The following POM121C variants were observed in gnomAD, a reference collection of about 807,000 sequenced individuals.
POM121C encodes nuclear envelope pore membrane protein POM 121C.
In POM121C, 20 loss-of-function variants were observed where a neutral mutation model predicts 66.4. The ratio of observed to expected loss-of-function variants is 0.30; its 90% confidence interval spans 0.21 to 0.44. The LOEUF (loss-of-function observed/expected upper bound fraction) is 0.44, where lower values mean the gene tolerates loss of function less well. Among genes scored for constraint, POM121C ranks in the 20% least tolerant of loss-of-function variants. The pLI is 1.00. For synonymous variants in POM121C, 286 were observed against 528.0 expected, an observed-to-expected ratio of 0.54 and a Z score of 6.28; for missense variants, 580 against 1,225.7, an observed-to-expected ratio of 0.47 and a Z score of 7.87.
chr7:75,484,412 G>A, intron 1 of POM121C: 1 of 482,764 alleles, frequency 2.1e-6, no homozygotes, highest in Non-Finnish European at 3.7e-6. Flanking sequence ...GAGTGATACA[G>A]GGTTTCACCA....
rs1584636599 is a variant in POM121C, at chr7:75,417,108, A to G, written c.*1688T>C. The G allele has an allele frequency of 7.8e-6, 8 of 1,025,554 alleles. No homozygotes were observed. In the South Asian group the frequency reaches 3.2e-4, roughly 41 times the overall value. The allele number at this position is 1,025,554 out of a possible 1,614,324, so 63.5% of individuals were successfully genotyped here. ...CCCAGACCCTCCAATCCTAACAGGT[A>G]TTTAGGCTTGAGGTTCACTCCCTCC... On this transcript the variant is annotated 3_prime_UTR_variant, in exon 15 of 15. Transcript: ENST00000615331.
intron 7 of POM121C, among the ~76,000 whole-genome samples, chr7:75,429,122 T>C (rs181474686): frequency 9.1e-4 from 139 of 152,294 alleles, no homozygotes; most frequent in Admixed American, 2.6e-3. Flanking sequence ...TTATTATGTC[T>C]ATTCAACTCA....
chr7:75,475,036 G>C, intron 2 of POM121C, 26 bp downstream of exon 2: 7 of 1,422,724 alleles, frequency 4.9e-6, no homozygotes, highest in Non-Finnish European at 6.9e-6. Flanking sequence ...TCAACTGAGA[G>C]CATTCAGAAA....
intron 3 of POM121C, among the ~76,000 whole-genome samples, chr7:75,468,124 T>C (rs1219921911): frequency 3.6e-5 from 2 of 55,846 alleles, no homozygotes; most frequent in Admixed American, 3.0e-4. Flanking sequence ...AGAGACTCTG[T>C]CTAAAAAAAA....
rs1789839452 is a variant in POM121C at position 75,424,160 on chromosome 7, G to T, written c.937C>A (p.Pro313Thr). 1.2e-6 allele frequency: 2 copies of T among 1,612,048 alleles called. No individual in the cohort carries two copies. Among genetic ancestry groups the T allele is most frequent in the Non-Finnish European group, 1.7e-6 (2 of 1,179,872 alleles). The change falls in exon 12 of 15, where the codon CCT becomes ACT. Residue 313 changes from proline to threonine, a missense_variant. By Grantham distance (38) the Pro-to-Thr change is conservative. Transcript: ENST00000615331. ...GGTGGGGAGGCAGTTGCAGCAGCAG[G>T]CAGGGTAAAGGTAAATGAAGGCTGA... ...TTQPSFTFTLPAAATASPPTS... is the reference protein window; with the variant it reads ...TTQPSFTFTLTAAATASPPTS...
chr7:75,423,964 CGA>C lies in POM121C; in HGVS notation c.1048+83_1048+84del, dbSNP rs1297933050. The C allele has an allele frequency of 2.0e-6, 3 of 1,527,814 alleles. No individual in the cohort carries two copies. The African/African-American group carries it at 4.1e-5, about 21-fold the overall frequency. 94.6% of individuals were successfully genotyped at this position (1,527,814 alleles called of 1,614,324 possible). A position where few individuals can be genotyped will look rare whatever the true frequency, so the allele number is the denominator to read the frequency against. ...GTTCGGCCTGCAGAGCAATCTCCAG[CGA>C]CTGACAGGCACGACGCCCTTATTCC... On this transcript the variant is annotated intron_variant, in intron 12 of 14. Transcript: ENST00000615331.
chr7:75,416,964 G>T lies in POM121C; in HGVS notation c.*1832C>A. ...CACATCCACACTCACTCTCACTCAG[G>T]GTTCCCGGACCGGCTGTCCTGCCTG... On this transcript the variant is annotated 3_prime_UTR_variant, in exon 15 of 15. Coordinates refer to ENST00000615331, the MANE Select transcript of POM121C (RefSeq NM_001099415.3). The T allele has an allele frequency of 7.3e-7, 1 of 1,372,852 alleles. No individual in the cohort carries two copies. The highest frequency in any genetic ancestry group is 3.1e-5 in the Admixed American group (1 of 32,434). The allele number at this position is 1,372,852 out of a possible 1,614,324, so 85.0% of individuals were successfully genotyped here.
chr7:75,426,613 T>C (rs375748181), intron 7 of POM121C, among the ~76,000 whole-genome samples, 160 bp from the exon 8 acceptor site: 792 of 65,944 alleles, frequency 0.012, 50 homozygotes, highest in East Asian at 0.097. Flanking sequence ...GGTGGGAGGA[T>C]TGCTTGAGCC....
intron 3 of POM121C, among the ~76,000 whole-genome samples, chr7:75,467,167 C>T (rs1341879428): frequency 6.6e-6 from 1 of 152,166 alleles, no homozygotes; most frequent in Admixed American, 6.5e-5. Context: ...TGCAGTGTCC[C>T]ATATTACCAC....
At chr7:75,428,068 C>T (rs1269268374) in intron 7 of POM121C, among the ~76,000 whole-genome samples, 2 of 152,016 alleles carry the variant, frequency 1.3e-5, no homozygotes. Flanking sequence ...AATATATAAG[C>T]GGCATTTTCA....
chr7:75,481,519 G>A (rs371789690), intron 1 of POM121C, among the ~76,000 whole-genome samples: 2 of 152,054 alleles, frequency 1.3e-5, no homozygotes, highest in Non-Finnish European at 2.9e-5. Flanking sequence ...AACAAATAGA[G>A]AATAGAAATT....
chr7:75,430,671 T>C (rs79012499), intron 7 of POM121C, among the ~76,000 whole-genome samples: 1 of 152,054 alleles, frequency 6.6e-6, no homozygotes, highest in South Asian at 2.1e-4. Flanking sequence ...TACAAGGAAG[T>C]AGAATGGCAA....
rs375150158 is a variant in POM121C, at chr7:75,437,682, C to G, written c.313G>C (p.Gly105Arg). Reference protein sequence around the residue: ...GVPASFVPKPGSLKRGLNSQS... With the variant: ...GVPASFVPKPRSLKRGLNSQS... ...GAATTGAGGCCTCTCTTCAGAGACC[C>G]AGGCCTAATAAAAGAGAAGACAGTT... Residue 105 changes from glycine (G) to arginine (R), a missense_variant, in exon 7 of 15, where the codon GGG becomes CGG. Gly to Arg is a moderately radical substitution (Grantham distance 125). Coordinates refer to ENST00000615331, the MANE Select transcript of POM121C (RefSeq NM_001099415.3). 54 of 1,595,434 alleles carry G rather than the reference C, an allele frequency of 3.4e-5. No homozygotes were observed. Among genetic ancestry groups the G allele is most frequent in the Non-Finnish European group, 4.4e-5 (52 of 1,169,028 alleles).
rs1584648258 is a variant in POM121C at position 75,424,213 on chromosome 7, T to A, written c.884A>T (p.Asn295Ile). The change falls in exon 12 of 15, where the codon AAC becomes ATC. Residue 295 changes from asparagine to isoleucine, a missense_variant. Coordinates refer to ENST00000615331, the MANE Select transcript of POM121C (RefSeq NM_001099415.3). ...GGTAGGTGGGGTCTCAGTGACAGAGTTCGAGGCAGCATCTAAGAAAGAAAG... is the reference window on the plus strand; with the variant it reads ...GGTAGGTGGGGTCTCAGTGACAGAGATCGAGGCAGCATCTAAGAAAGAAAG... ...ALEDKSDAAS[N>I]SVTETPPTTQ... The A allele has an allele frequency of 6.2e-7, 1 of 1,611,360 alleles. No homozygotes were observed. Among genetic ancestry groups the A allele is most frequent in the African/African-American group, 1.3e-5 (1 of 74,648 alleles).
At position 75,418,732 on chromosome 7, in the gene POM121C, T is replaced by C. The variant is rs3973308; in HGVS notation, c.*64A>G. 877 of 1,536,582 alleles carry C rather than the reference T, an allele frequency of 5.7e-4. 4 individuals carry two copies. In the African/African-American group the frequency reaches 0.01, roughly 18 times the overall value. Reference sequence around the variant, plus strand: ...GCAGCTGGAAGGGTCCAAGGCTCTTTCTAGCACGTGCCAAGGTCCAGATTT... The same window carrying C: ...GCAGCTGGAAGGGTCCAAGGCTCTTCCTAGCACGTGCCAAGGTCCAGATTT... On this transcript the variant is annotated 3_prime_UTR_variant, in exon 15 of 15. Coordinates refer to ENST00000615331, the MANE Select transcript of POM121C (RefSeq NM_001099415.3).
intron 7 of POM121C, among the ~76,000 whole-genome samples, chr7:75,430,917 A>G (rs1330293855): frequency 6.6e-6 from 1 of 151,926 alleles, no homozygotes; most frequent in Non-Finnish European, 1.5e-5. Context: ...TTTACTAAAA[A>G]TACAAAAAAT....
At chr7:75,443,183 C>T (rs1161733634) in intron 3 of POM121C, among the ~76,000 whole-genome samples, 1 of 152,230 alleles carries the variant, frequency 6.6e-6, no homozygotes, top group Non-Finnish European at 1.5e-5. Context: ...CCAAATTTCA[C>T]ATCATGGCCC....
chr7:75,479,595 G>T (rs1172118874), intron 1 of POM121C, among the ~76,000 whole-genome samples: 2 of 140,062 alleles, frequency 1.4e-5, no homozygotes, highest in Admixed American at 1.4e-4. Context: ...CAGCCTGGGG[G>T]ACAGAGTGAG....
At chr7:75,437,418 T>C (rs1430171265) in intron 7 of POM121C, 97 bp downstream of exon 7, 6 of 1,478,796 alleles carry the variant, frequency 4.1e-6, no homozygotes, top group Non-Finnish European at 5.4e-6. Flanking sequence ...CCTTCCAAAG[T>C]GCTGGGATTA....
Sources: gnomAD v4.1 joint callset for allele counts (sites outside exome capture counted in the v4.1 genomes callset) on GRCh38, gnomAD v4.1.1 for gene constraint, MANE v1.5 for transcripts, NCBI Gene and HGNC (gene_info 2026-07-23, HGNC 2026-07-21) for gene names.